Variants in ZNF638 observed in about 807,000 individuals in gnomAD.
ZNF638 encodes zinc finger protein 638.
ZNF638 carries 46 observed loss-of-function variants against 195.6 expected under a neutral mutation model. The observed-to-expected ratio is 0.24, with a 90% CI of 0.19 to 0.30. The LOEUF (loss-of-function observed/expected upper bound fraction) is 0.30, where lower values mean the gene tolerates loss of function less well. Ranked by LOEUF, ZNF638 falls within the 10% of genes least tolerant of loss-of-function variation. The pLI, the probability that ZNF638 is intolerant of heterozygous loss-of-function variation, is 1.00. For missense variants in ZNF638, 2,440 were observed against 2,325.3 expected (o/e 1.05, Z -1.01); for synonymous variants, 845 against 772.0 (o/e 1.09, Z -1.57).
At chr2:71,419,414 T>G (rs1297084193) in intron 21 of ZNF638, among the ~76,000 whole-genome samples, 2 of 152,250 alleles carry the variant, frequency 1.3e-5, no homozygotes, top group Non-Finnish European at 2.9e-5. Context: ...TGTTTAAATA[T>G]GTAAAGTGTT....
chr2:71,363,933 T>C, intron 4 of ZNF638, 21 bp from the exon 5 acceptor site: 1 of 1,588,060 alleles, frequency 6.3e-7, no homozygotes, highest in Non-Finnish European at 8.6e-7. Context: ...ATCACTTTCT[T>C]TTCCGCCCCC....
intron 10 of ZNF638, chr2:71,393,544 T>A (rs1033459894): frequency 2.4e-5 from 17 of 717,830 alleles, no homozygotes; most frequent in Non-Finnish European, 3.9e-5. Flanking sequence ...GGACATTACC[T>A]GGGGGATGCT....
At chr2:71,332,316 G>C (rs1489588815) in intron 1 of ZNF638, among the ~76,000 whole-genome samples, 4 of 152,244 alleles carry the variant, frequency 2.6e-5, no homozygotes, top group African/African-American at 9.6e-5. Context: ...AAGCGTTCCC[G>C]TCGGGCCCGA....
chr2:71,337,516 G>A (rs1213781563), intron 1 of ZNF638, among the ~76,000 whole-genome samples: 1 of 152,006 alleles, frequency 6.6e-6, no homozygotes. Context: ...GGGCTCAAGC[G>A]ATCCTCCCAA....
chr2:71,406,292 C>G, intron 19 of ZNF638, 30 bp downstream of exon 19: 1 of 1,593,360 alleles, frequency 6.3e-7, no homozygotes, highest in South Asian at 1.1e-5. Flanking sequence ...TTTAGCTATT[C>G]ATTCTGTAAA....
intron 1 of ZNF638, among the ~76,000 whole-genome samples, chr2:71,338,399 T>C (rs1184973649): frequency 6.6e-6 from 1 of 152,208 alleles, no homozygotes; most frequent in African/African-American, 2.4e-5. Context: ...TGTTTGATAA[T>C]TTATTACTCT....
chr2:71,406,495 GA>G (rs2080108542), intron 19 of ZNF638, among the ~76,000 whole-genome samples: 1 of 152,032 alleles, frequency 6.6e-6, no homozygotes, highest in African/African-American at 2.4e-5. Context: ...ACGCAAGGGG[GA>G]AAGGTAATAT....
Position 71,406,163 on chromosome 2 carries a change from T to C in ZNF638, c.3036T>C (p.His1012=), listed in dbSNP as rs747120573. Residue 1012 remains histidine (H), a synonymous_variant, in exon 19 of 28, where the codon CAT becomes CAC. Transcript: ENST00000264447. ...NIDTIYDRFV[H]LDNLPEDGLQ... ...ATACAATTTATGATCGATTTGTACA[T>C]CTTGATAATTTACCGGAAGATGGAC... 3 of 1,613,674 alleles carry C rather than the reference T, an allele frequency of 1.9e-6. No individual in the cohort carries two copies. Among genetic ancestry groups the C allele is most frequent in the Non-Finnish European group, 2.5e-6 (3 of 1,179,776 alleles).
At chr2:71,428,763 G>A in intron 25 of ZNF638, 112 bp downstream of exon 25, 1 of 850,580 alleles carries the variant, frequency 1.2e-6, no homozygotes, top group Non-Finnish European at 1.8e-6. Flanking sequence ...TAGAGCAGGG[G>A]TGGGAAAAGT....
At chr2:71,363,640 T>A (rs776463116) in intron 4 of ZNF638, among the ~76,000 whole-genome samples, 13 of 152,222 alleles carry the variant, frequency 8.5e-5, no homozygotes, top group Non-Finnish European at 1.6e-4. Flanking sequence ...TTTACATAAT[T>A]TAATACTTTA....
In ZNF638 at chr2:71,403,991, A is replaced by G; in HGVS notation, c.2951A>G (p.Lys984Arg). ...ISMAPENMNI[K>R]DEEAIFITLV... ...ATGGCTCCTGAAAACATGAATATAA[A>G]AGATGAGGTAAATCAGACCACCATT... Residue 984 changes from lysine (K) to arginine (R), a missense_variant, in exon 17 of 28, where the codon AAA becomes AGA. Transcript: ENST00000264447. 6.2e-7 allele frequency: 1 copy of G among 1,609,452 alleles called. No individual in the cohort carries two copies. The highest frequency in any genetic ancestry group is 1.3e-5 in the African/African-American group (1 of 74,812).
intron 25 of ZNF638, among the ~76,000 whole-genome samples, chr2:71,429,812 A>G (rs769868833): frequency 4.7e-5 from 7 of 150,506 alleles, no homozygotes; most frequent in African/African-American, 1.3e-4. Flanking sequence ...ACTTTTCCAC[A>G]TGATTGGTTA....
At chr2:71,341,117 G>T (rs1336546967) in intron 1 of ZNF638, among the ~76,000 whole-genome samples, 1 of 152,172 alleles carries the variant, frequency 6.6e-6, no homozygotes, top group African/African-American at 2.4e-5. Context: ...TGGTATTGGA[G>T]ATCTCAGAAA....
intron 1 of ZNF638, among the ~76,000 whole-genome samples, chr2:71,332,226 C>G (rs998232276): frequency 6.6e-6 from 1 of 152,248 alleles, no homozygotes; most frequent in Non-Finnish European, 1.5e-5. Context: ...GGCCCCTTCC[C>G]CAGCAGCGCC....
intron 15 of ZNF638, among the ~76,000 whole-genome samples, chr2:71,400,790 A>G (rs914471621): frequency 5.3e-5 from 8 of 152,112 alleles, no homozygotes; most frequent in Admixed American, 1.3e-4. Context: ...ATTTGCCAAA[A>G]TGGGTTTTGG....
At chr2:71,392,381 C>G (rs140014557) in intron 10 of ZNF638, among the ~76,000 whole-genome samples, 39 of 152,278 alleles carry the variant, frequency 2.6e-4, no homozygotes, top group Non-Finnish European at 4.9e-4. Context: ...GATTTACTAC[C>G]GCTCAGGGAG....
intron 20 of ZNF638, chr2:71,408,789 A>G (rs755562520): frequency 7.1e-6 from 3 of 421,128 alleles, no homozygotes; most frequent in African/African-American, 6.3e-5. Context: ...GGTAAGTAAT[A>G]GGACCTTATA....
At chr2:71,394,883 C>G (rs111227074) in intron 10 of ZNF638, among the ~76,000 whole-genome samples, 63 of 152,206 alleles carry the variant, frequency 4.1e-4, no homozygotes, top group African/African-American at 1.3e-3. Context: ...TGCAAGCCCT[C>G]GAGGCTGCCT....
chr2:71,366,284 C>T (rs1029211740), intron 6 of ZNF638, among the ~76,000 whole-genome samples: 6 of 151,520 alleles, frequency 4.0e-5, no homozygotes, highest in South Asian at 2.1e-4. Flanking sequence ...CACTTGAGCC[C>T]GGGAGGCAGA....
Sources: gnomAD v4.1 joint callset for allele counts (sites outside exome capture counted in the v4.1 genomes callset) on GRCh38, gnomAD v4.1.1 for gene constraint, MANE v1.5 for transcripts, NCBI Gene and HGNC (gene_info 2026-07-23, HGNC 2026-07-21) for gene names.